BOK: variants seen among roughly 807,000 people sequenced by gnomAD.
The protein encoded by BOK is BCL2 family apoptosis regulator BOK, also known as bcl-2-related ovarian killer protein.
Under a neutral mutation model 18.3 loss-of-function variants are expected in BOK, and 20 were observed. The observed-to-expected ratio is 1.09, with a 90% CI of 0.77 to 1.59. BOK has a LOEUF of 1.59. Ranked by LOEUF, BOK falls within the 40% of genes most tolerant of loss-of-function variation. The pLI, the probability that BOK is intolerant of heterozygous loss-of-function variation, is 0.00. For synonymous variants in BOK, 173 were observed against 142.4 expected, an observed-to-expected ratio of 1.21 and a Z score of -1.53; for missense variants, 348 against 307.9, an observed-to-expected ratio of 1.13 and a Z score of -0.97.
upstream of BOK, among the ~76,000 whole-genome samples, chr2:241,555,258 G>A (rs754582929): frequency 6.6e-6 from 1 of 152,076 alleles, no homozygotes; most frequent in East Asian, 1.9e-4. Context: ...GCTATTCACA[G>A]GCACTACAGC....
chr2:241,552,039 G>C (rs1249418490), intron 1 of BOK, among the ~76,000 whole-genome samples: 1 of 152,246 alleles, frequency 6.6e-6, no homozygotes, highest in Non-Finnish European at 1.5e-5. Context: ...GGCTGCAGAG[G>C]CAGGAGGGGC....
intron 3 of BOK, among the ~76,000 whole-genome samples, chr2:241,564,224 G>A (rs2066575957): frequency 6.6e-6 from 1 of 152,200 alleles, no homozygotes; most frequent in Non-Finnish European, 1.5e-5. Context: ...TTGTCTTGTT[G>A]CCACAGCATG....
chr2:241,571,961 G>C (rs2066730616), intron 4 of BOK, among the ~76,000 whole-genome samples: 1 of 152,222 alleles, frequency 6.6e-6, no homozygotes, highest in African/African-American at 2.4e-5. Context: ...GCCGAGGGGA[G>C]CTGGCACCCT....
At position 241,562,723 on chromosome 2, in the gene BOK, G is replaced by T. The variant is rs2066550109; in HGVS notation, c.349+247G>T. Reference sequence around the variant, plus strand: ...GCTGAGCAGCTGGCACAGGCTTCTTGATTGGTTGTAGTTGTGGTCCAGCAT... The same window carrying T: ...GCTGAGCAGCTGGCACAGGCTTCTTTATTGGTTGTAGTTGTGGTCCAGCAT... On this transcript the variant is annotated intron_variant, in intron 3 of 4. Coordinates refer to ENST00000318407, the MANE Select transcript of BOK (RefSeq NM_032515.5). The surrounding 1 kb of genome is among the most constrained non-coding windows in gnomAD (Gnocchi z 4.5). 6.6e-6 allele frequency among the ~76,000 whole-genome samples: 1 copy of T among 152,228 alleles called. No individual in the cohort carries two copies. Among genetic ancestry groups the T allele is most frequent in the African/African-American group, 2.4e-5 (1 of 41,458 alleles).
upstream of BOK, among the ~76,000 whole-genome samples, chr2:241,553,962 T>C (rs1349509791): frequency 6.6e-6 from 1 of 152,178 alleles, no homozygotes; most frequent in Non-Finnish European, 1.5e-5. Flanking sequence ...GAGTCTCAGA[T>C]CTGCCTCAGA....
rs772909615 is a variant in BOK at position 241,559,593 on chromosome 2, A to G, written c.110A>G (p.Glu37Gly). 2.0e-6 allele frequency: 3 copies of G among 1,503,540 alleles called. No homozygotes were observed. The highest frequency in any genetic ancestry group is 2.9e-5 in the African/African-American group (2 of 69,222). 93.1% of individuals were successfully genotyped at this position (1,503,540 alleles called of 1,614,324 possible). Residue 37 changes from glutamate to glycine, a missense_variant, in exon 2 of 5, where the codon GAG becomes GGG. Transcript: ENST00000318407. ...LVAQAKALGR[E>G]YVHARLLRAG... Reference sequence around the variant, plus strand: ...GCCCAGGCCAAGGCGCTGGGCCGGGAGTACGTGCACGCGCGGCTGCTGCGC... The same window carrying G: ...GCCCAGGCCAAGGCGCTGGGCCGGGGGTACGTGCACGCGCGGCTGCTGCGC...
chr2:241,563,734 C>A (rs1475028189), intron 3 of BOK, among the ~76,000 whole-genome samples: 2 of 152,228 alleles, frequency 1.3e-5, no homozygotes, highest in Non-Finnish European at 2.9e-5. Flanking sequence ...GCAGTCCTGA[C>A]AGCAGCAGGA....
Position 241,572,618 on chromosome 2 carries a change from C to A in BOK, c.*196C>A. On this transcript the variant is annotated 3_prime_UTR_variant, in exon 5 of 5. Coordinates refer to ENST00000318407, the MANE Select transcript of BOK (RefSeq NM_032515.5). ...GGGAGGGGCTTTCCTGAGCCTGGAG[C>A]TGGGCTTTGGGGCAGCCTGCGACCC... The A allele has an allele frequency of 1.2e-6, 1 of 819,202 alleles. No homozygotes were observed. The highest frequency in any genetic ancestry group is 1.9e-6 in the Non-Finnish European group (1 of 537,256). The allele number at this position is 819,202 out of a possible 1,614,324, so 50.7% of individuals were successfully genotyped here.
intron 1 of BOK, among the ~76,000 whole-genome samples, chr2:241,553,618 G>A (rs1255605913): frequency 2.0e-5 from 3 of 152,286 alleles, no homozygotes; most frequent in Admixed American, 6.5e-5. Flanking sequence ...GAAGCGGAAG[G>A]TGCCACACGC....
chr2:241,573,804 G>A lies in BOK; in HGVS notation c.*1382G>A, dbSNP rs953118327. 6.6e-6 allele frequency: 1 copy of A among 152,398 alleles called. No homozygotes were observed. Among genetic ancestry groups the A allele is most frequent in the Non-Finnish European group, 1.5e-5 (1 of 68,134 alleles). 9.4% of individuals were successfully genotyped at this position (152,398 alleles called of 1,614,324 possible). A position where few individuals can be genotyped will look rare whatever the true frequency, so the allele number is the denominator to read the frequency against. On this transcript the variant is annotated 3_prime_UTR_variant, in exon 5 of 5. Coordinates refer to ENST00000318407, the MANE Select transcript of BOK (RefSeq NM_032515.5). ...GATGCCTGGGAAGCCCAGCCCCTCA[G>A]GTGCCCCCACACACAGCCTTCCCTT...
Position 241,562,248 on chromosome 2 carries a change from A to G in BOK, c.221-100A>G. On this transcript the variant is annotated intron_variant, in intron 2 of 4. Coordinates refer to ENST00000318407, the MANE Select transcript of BOK (RefSeq NM_032515.5). This position sits in a 1 kb window ranked among gnomAD's most constrained non-coding sequence, Gnocchi z 4.5. The stretch of plus-strand genomic sequence containing the variant: ...GTGAGGAACAGGCTGGAATTCAAGC[A>G]TGGTCAGGTGGGGGTCAGGTGCAGG... 1 of 1,421,132 alleles carries G rather than the reference A, an allele frequency of 7.0e-7. No individual in the cohort carries two copies. Among genetic ancestry groups the G allele is most frequent in the Non-Finnish European group, 9.4e-7 (1 of 1,063,090 alleles). The allele number at this position is 1,421,132 out of a possible 1,614,324, so 88.0% of individuals were successfully genotyped here.
chr2:241,560,327 G>A (rs984806073), intron 2 of BOK: 4 of 960,154 alleles, frequency 4.2e-6, no homozygotes, highest in South Asian at 4.8e-5. Flanking sequence ...ACCACAGCTG[G>A]GCTGTGGCCG....
At chr2:241,560,084 C>G (rs1456648729) in intron 2 of BOK, 2 of 985,354 alleles carry the variant, frequency 2.0e-6, no homozygotes, top group Middle Eastern at 5.2e-4. Context: ...CTTGCTGTTA[C>G]TGGCCGAGAT....
intron 2 of BOK, among the ~76,000 whole-genome samples, chr2:241,561,272 C>CGCT (rs917791414): frequency 6.6e-6 from 1 of 152,266 alleles, no homozygotes; most frequent in African/African-American, 2.4e-5. Context: ...CGTGCCTGTG[C>CGCT]GCTGCTGCTG....
chr2:241,559,204 C>G (rs191739393), intron 1 of BOK, among the ~76,000 whole-genome samples: 1 of 151,602 alleles, frequency 6.6e-6, no homozygotes, highest in Non-Finnish European at 1.5e-5. Context: ...AGGGCGGGCC[C>G]GGCGGCCCCG....
intron 4 of BOK, among the ~76,000 whole-genome samples, chr2:241,572,069 C>T (rs1414609918): frequency 6.6e-6 from 1 of 152,234 alleles, no homozygotes; most frequent in African/African-American, 2.4e-5. Flanking sequence ...TCTGTCCCCA[C>T]CTCCCGTGCC....
chr2:241,554,480 T>C (rs2066436726), upstream of BOK, among the ~76,000 whole-genome samples: 1 of 152,124 alleles, frequency 6.6e-6, no homozygotes, highest in Non-Finnish European at 1.5e-5. Flanking sequence ...CAGGAGCTGA[T>C]GGGGGCCCAC....
chr2:241,565,225 C>T (rs1017100804), intron 3 of BOK, among the ~76,000 whole-genome samples: 11 of 152,208 alleles, frequency 7.2e-5, no homozygotes, highest in East Asian at 3.9e-4. Flanking sequence ...CACGCAGGCC[C>T]GGCTCTGGCC....
intron 1 of BOK, among the ~76,000 whole-genome samples, chr2:241,552,267 C>T (rs917192744): frequency 6.6e-6 from 1 of 152,182 alleles, no homozygotes; most frequent in African/African-American, 2.4e-5. Context: ...CCAGAGACAC[C>T]AGGCTCTGAT....
Sources: allele counts gnomAD v4.1 joint callset (sites outside exome capture counted in the v4.1 genomes callset), GRCh38; gene constraint gnomAD v4.1.1; non-coding constraint Gnocchi (gnomAD v3.1); transcripts MANE v1.5; gene names NCBI Gene and HGNC (gene_info 2026-07-23, HGNC 2026-07-21).